The following SEC24D variants were observed in gnomAD, a reference collection of about 807,000 sequenced individuals.
SEC24D encodes protein transport protein Sec24D.
Under a neutral mutation model 116.9 loss-of-function variants are expected in SEC24D, and 69 were observed. The ratio of observed to expected loss-of-function variants is 0.59; its 90% CI spans 0.49 to 0.72. SEC24D has a LOEUF of 0.72. Among genes scored for constraint, SEC24D ranks in the 30% least tolerant of loss-of-function variants. The pLI, the probability that SEC24D is intolerant of heterozygous loss-of-function variation, is 0.00. For missense variants in SEC24D, 1,131 were observed against 1,264.1 expected, an observed-to-expected ratio of 0.89 and a Z score of 1.60; for synonymous variants, 405 against 442.8, an observed-to-expected ratio of 0.91 and a Z score of 1.07.
At chr4:118,759,451 A>C (rs192725045) in intron 10 of SEC24D, among the ~76,000 whole-genome samples, 1 of 152,272 alleles carries the variant, frequency 6.6e-6, no homozygotes, top group East Asian at 1.9e-4. Flanking sequence ...CTACCCATTC[A>C]ATCCAGCTGG....
chr4:118,765,019 G>A, intron 9 of SEC24D, 102 bp from the exon 10 acceptor site: 1 of 673,202 alleles, frequency 1.5e-6, no homozygotes, highest in Non-Finnish European at 2.6e-6. Context: ...GTTAGTATCT[G>A]GAAAAATGTA....
At chr4:118,737,437 T>C (rs540316259) in intron 19 of SEC24D, among the ~76,000 whole-genome samples, 8 of 152,214 alleles carry the variant, frequency 5.3e-5, no homozygotes, top group Non-Finnish European at 1.2e-4. Flanking sequence ...GATTAAGAAT[T>C]TGGACCCAAA....
chr4:118,788,024 G>A (rs1167314631), intron 8 of SEC24D, among the ~76,000 whole-genome samples: 1 of 152,066 alleles, frequency 6.6e-6, no homozygotes, highest in Non-Finnish European at 1.5e-5. Flanking sequence ...TCACTATGTT[G>A]CCCAGGCTGG....
intron 9 of SEC24D, among the ~76,000 whole-genome samples, chr4:118,766,065 G>C (rs1283275238): frequency 6.6e-6 from 1 of 152,198 alleles, no homozygotes; most frequent in South Asian, 2.1e-4. Context: ...ATGCTGCCTC[G>C]GCTATCTTAG....
chr4:118,825,523 T>C (rs778856891), intron 2 of SEC24D: 2 of 451,992 alleles, frequency 4.4e-6, no homozygotes, highest in South Asian at 1.6e-5. Context: ...GAGAAATCAC[T>C]GGGCTTGGGT....
At chr4:118,798,041 G>A (rs1435871329) in intron 7 of SEC24D, among the ~76,000 whole-genome samples, 3 of 152,110 alleles carry the variant, frequency 2.0e-5, no homozygotes, top group East Asian at 3.8e-4. Flanking sequence ...CTACTGCAAA[G>A]ATATAAAAGA....
rs1730109832 is a variant in SEC24D at position 118,815,587 on chromosome 4, A to G, written c.537T>C (p.Asn179=). The change falls in exon 5 of 23, where the codon AAT becomes AAC. Residue 179 remains asparagine, a synonymous_variant. Coordinates refer to ENST00000280551, the MANE Select transcript of SEC24D (RefSeq NM_014822.4). ...QVLPPPPTTL[N]GPGASPLPLP... The stretch of plus-strand genomic sequence containing the variant: ...GAGGCAAAGGTGAGGCACCAGGACC[A>G]TTGAGTGTGGTGGGTGGTGGTGGAA... 3 of 1,614,056 alleles carry G rather than the reference A, an allele frequency of 1.9e-6. No individual in the cohort carries two copies. The highest frequency in any genetic ancestry group is 1.3e-5 in the African/African-American group (1 of 74,926).
intron 3 of SEC24D, among the ~76,000 whole-genome samples, chr4:118,821,224 C>T (rs1730387936): frequency 6.6e-6 from 1 of 152,216 alleles, no homozygotes; most frequent in South Asian, 2.1e-4. Flanking sequence ...CTCCTTCCTT[C>T]AACTTTTGTT....
intron 19 of SEC24D, chr4:118,736,532 T>C: frequency 3.3e-6 from 1 of 302,976 alleles, no homozygotes; most frequent in Non-Finnish European, 6.4e-6. Flanking sequence ...CCTTTAGGAA[T>C]CTCTCCATCT....
chr4:118,724,096 G>A (rs2110421542), intron 22 of SEC24D, among the ~76,000 whole-genome samples: 1 of 152,300 alleles, frequency 6.6e-6, no homozygotes, highest in South Asian at 2.1e-4. Context: ...GTGATCCAGT[G>A]AAGGTGCAGA....
At chr4:118,749,730 C>T (rs1003824137) in intron 13 of SEC24D, among the ~76,000 whole-genome samples, 1 of 152,142 alleles carries the variant, frequency 6.6e-6, no homozygotes, top group African/African-American at 2.4e-5. Flanking sequence ...TCTCTTCCAG[C>T]ACACTCTAAG....
intron 13 of SEC24D, among the ~76,000 whole-genome samples, chr4:118,747,084 C>T (rs910523268): frequency 6.6e-6 from 1 of 152,060 alleles, no homozygotes; most frequent in Admixed American, 6.6e-5. Context: ...AGCACATGTA[C>T]GAATCTACAG....
At chr4:118,779,882 T>C (rs1242532666) in intron 8 of SEC24D, among the ~76,000 whole-genome samples, 2 of 152,238 alleles carry the variant, frequency 1.3e-5, no homozygotes, top group Non-Finnish European at 2.9e-5. Flanking sequence ...TTTTCTAGTT[T>C]ATTTGCTTAG....
chr4:118,796,208 G>A (rs1481970786), intron 8 of SEC24D, among the ~76,000 whole-genome samples: 1 of 152,126 alleles, frequency 6.6e-6, no homozygotes, highest in Non-Finnish European at 1.5e-5. Flanking sequence ...AAAACACAAT[G>A]TTGAAAATAG....
intron 7 of SEC24D, among the ~76,000 whole-genome samples, chr4:118,799,460 TG>T (rs1438577576): frequency 6.6e-6 from 1 of 152,226 alleles, no homozygotes. Context: ...ATCTGGAGAC[TG>T]GGCTAAAGTC....
At chr4:118,790,157 T>G (rs1728834933) in intron 8 of SEC24D, among the ~76,000 whole-genome samples, 1 of 152,210 alleles carries the variant, frequency 6.6e-6, no homozygotes, top group Non-Finnish European at 1.5e-5. Flanking sequence ...ACTGAAATGT[T>G]GAGTCTTGGA....
chr4:118,832,297 G>T (rs1730893755), intron 2 of SEC24D, among the ~76,000 whole-genome samples: 1 of 152,200 alleles, frequency 6.6e-6, no homozygotes, highest in Non-Finnish European at 1.5e-5. Flanking sequence ...TTGTAAAAAT[G>T]AGAGTGGTAA....
chr4:118,774,326 T>C (rs1425537028), intron 8 of SEC24D, among the ~76,000 whole-genome samples: 1 of 152,096 alleles, frequency 6.6e-6, no homozygotes, highest in Non-Finnish European at 1.5e-5. Flanking sequence ...CATTGAAAAA[T>C]ACTGAAAAAT....
At position 118,751,959 on chromosome 4, in the gene SEC24D, A is replaced by G. The variant is rs181924072; in HGVS notation, c.1707+37T>C. 3.7e-6 allele frequency: 5 copies of G among 1,344,106 alleles called. No individual in the cohort carries two copies. In the East Asian group the frequency reaches 1.2e-4, roughly 31 times the overall value. The allele number at this position is 1,344,106 out of a possible 1,614,324, so 83.3% of individuals were successfully genotyped here. ...TATTTTTTGTCTCTCTGTTTTTAAA[A>G]TTTATTTACTAGCAATTAGAAGTGG... On this transcript the variant is annotated intron_variant, in intron 13 of 22. Transcript: ENST00000280551.
Sources: gnomAD v4.1 joint callset for allele counts (sites outside exome capture counted in the v4.1 genomes callset) on GRCh38, gnomAD v4.1.1 for gene constraint, MANE v1.5 for transcripts, NCBI Gene and HGNC (gene_info 2026-07-23, HGNC 2026-07-21) for gene names.